DCC: variants seen among roughly 807,000 people sequenced by gnomAD.
DCC encodes the protein DCC netrin 1 receptor.
In DCC, 58 loss-of-function variants were observed where a neutral mutation model predicts 172.5. That is an observed-to-expected ratio of 0.34 (90% CI 0.27 to 0.42). DCC has a LOEUF of 0.42. Among genes scored for constraint, DCC ranks in the 10% least tolerant of loss-of-function variants. The probability of loss-of-function intolerance (pLI) is 1.00; values close to 1 mark genes in which losing one functional copy is unlikely to be tolerated. For synonymous variants in DCC, 709 were observed against 644.5 expected, an observed-to-expected ratio of 1.10 and a Z score of -1.52; for missense variants, 1,740 against 1,791.0, an observed-to-expected ratio of 0.97 and a Z score of 0.51.
chr18:53,206,115 A>G (rs1281192558), intron 10 of DCC, among the ~76,000 whole-genome samples: 1 of 145,380 alleles, frequency 6.9e-6, no homozygotes, highest in Admixed American at 7.1e-5. Flanking sequence ...TATAATACAT[A>G]TATAAGCATA....
Position 52,556,804 on chromosome 18 carries a change from C to T in DCC, c.92-195250C>T, listed in dbSNP as rs1301251776. On this transcript the variant is annotated intron_variant, in intron 1 of 28. Transcript: ENST00000442544. ...GTGTCAATTGGTGCCGCCGTCTCAC[C>T]TTTGAGCAGCTCCCTCTGATCAGCC... 3.9e-5 allele frequency among the ~76,000 whole-genome samples: 6 copies of T among 152,038 alleles called. No individual in the cohort carries two copies. In the East Asian group the frequency reaches 9.6e-4, roughly 24 times the overall value.
At chr18:53,382,206 G>A (rs11872758) in intron 15 of DCC, among the ~76,000 whole-genome samples, 64,092 of 151,294 alleles carry the variant, frequency 0.42, 15,257 homozygotes, top group Non-Finnish European at 0.55. Flanking sequence ...TTCAAATTGC[G>A]AATGGAATTT....
chr18:52,492,786 G>A (rs971781784), intron 1 of DCC, among the ~76,000 whole-genome samples: 7 of 152,074 alleles, frequency 4.6e-5, no homozygotes, highest in South Asian at 4.1e-4. Context: ...GAAGGTACAA[G>A]GTAGAGTATG....
chr18:53,011,088 A>G (rs1012093318), intron 5 of DCC, among the ~76,000 whole-genome samples: 1 of 151,482 alleles, frequency 6.6e-6, no homozygotes, highest in Admixed American at 6.6e-5. Flanking sequence ...GCTACTCTTT[A>G]AAAACATCCC....
In DCC at chr18:52,506,056, G is replaced by A. The variant is rs181572781; in HGVS notation, c.91+165178G>A. Among the ~76,000 whole-genome samples the A allele has an allele frequency of 1.5e-3, 229 of 152,232 alleles. 2 individuals are homozygous for A. The highest frequency in any genetic ancestry group is 6.7e-3 in the Admixed American group (102 of 15,282). ...GTGTGAATTTATTAATGTGATCATAGCATCATCCTTCTATATTACCTATGC... is the reference window on the plus strand; with the variant it reads ...GTGTGAATTTATTAATGTGATCATAACATCATCCTTCTATATTACCTATGC... On this transcript the variant is annotated intron_variant, in intron 1 of 28. Transcript: ENST00000442544.
intron 5 of DCC, among the ~76,000 whole-genome samples, chr18:53,062,200 G>A (rs77781887): frequency 6.6e-6 from 1 of 152,168 alleles, no homozygotes; most frequent in East Asian, 1.9e-4. Context: ...TAAATCCTGA[G>A]AGTTTTTACC....
intron 25 of DCC, among the ~76,000 whole-genome samples, chr18:53,479,798 C>A (rs2045810606): frequency 6.6e-6 from 1 of 152,134 alleles, no homozygotes; most frequent in Non-Finnish European, 1.5e-5. Flanking sequence ...CTTAGATTAC[C>A]TAATTATTTC....
intron 9 of DCC, among the ~76,000 whole-genome samples, chr18:53,179,692 T>C (rs1171237857): frequency 1.3e-5 from 2 of 152,222 alleles, no homozygotes; most frequent in Non-Finnish European, 2.9e-5. Flanking sequence ...AGCTGAATGT[T>C]CTTTGACCAA....
chr18:53,062,367 T>C (rs1044673244), intron 5 of DCC, among the ~76,000 whole-genome samples: 26 of 152,162 alleles, frequency 1.7e-4, no homozygotes, highest in African/African-American at 6.3e-4. Flanking sequence ...ATAACAAAAA[T>C]GACAAAAACA....
intron 1 of DCC, among the ~76,000 whole-genome samples, chr18:52,374,066 G>T (rs1268970675): frequency 4.7e-5 from 7 of 150,288 alleles, no homozygotes; most frequent in Admixed American, 4.0e-4. Context: ...TTTTTTTTTT[G>T]TGTTTTTAGT....
intron 13 of DCC, among the ~76,000 whole-genome samples, chr18:53,318,766 T>G (rs77916462): frequency 0.29 from 44,106 of 149,532 alleles, 8,482 homozygotes; most frequent in Non-Finnish European, 0.44. Context: ...TTTTTTTTTT[T>G]TTTTTGTGAT....
intron 2 of DCC, among the ~76,000 whole-genome samples, chr18:52,829,212 A>G (rs1568130107): frequency 6.6e-6 from 1 of 152,170 alleles, no homozygotes; most frequent in Non-Finnish European, 1.5e-5. Flanking sequence ...TTCTTTTCCT[A>G]CATAAAGCTG....
In DCC at chr18:52,521,829, G is replaced by T. The variant is rs183708042; in HGVS notation, c.91+180951G>T. On this transcript the variant is annotated intron_variant, in intron 1 of 28. Transcript: ENST00000442544. ...ACATAAAACTTCATATTGATTAGTA[G>T]CTGAGTTTCTATCCCTCATCCTACT... is the stretch of plus-strand genomic sequence containing the variant. 9.9e-5 allele frequency among the ~76,000 whole-genome samples: 15 copies of T among 152,246 alleles called. No individual in the cohort carries two copies. In the East Asian group the frequency reaches 2.3e-3, roughly 24 times the overall value.
At chr18:52,353,782 G>A (rs1984237164) in intron 1 of DCC, among the ~76,000 whole-genome samples, 1 of 152,144 alleles carries the variant, frequency 6.6e-6, no homozygotes, top group South Asian at 2.1e-4. Flanking sequence ...CAATCTGAAT[G>A]AAAATCACTA....
intron 2 of DCC, among the ~76,000 whole-genome samples, chr18:52,840,295 T>C (rs1012805849): frequency 2.1e-4 from 32 of 152,342 alleles, no homozygotes; most frequent in African/African-American, 7.2e-4. Context: ...AAACATTTTA[T>C]CTGATGCTTT....
Position 52,829,245 on chromosome 18 carries a change from C to T in DCC, c.413-76799C>T, listed in dbSNP as rs1054579182. Among the ~76,000 whole-genome samples, 4 of 152,300 alleles carry T rather than the reference C, an allele frequency of 2.6e-5. No homozygotes were observed. In the East Asian group the frequency reaches 5.8e-4, roughly 22 times the overall value. ...CTGCATGCATTAGTGAAGGCTGATG[C>T]TCAGTTTCTTGTCTGAGATTTCTCA... On this transcript the variant is annotated intron_variant, in intron 2 of 28. Coordinates refer to ENST00000442544, the MANE Select transcript of DCC (RefSeq NM_005215.4).
intron 1 of DCC, among the ~76,000 whole-genome samples, chr18:52,567,790 A>G (rs2033194790): frequency 6.6e-6 from 1 of 152,090 alleles, no homozygotes; most frequent in African/African-American, 2.4e-5. Flanking sequence ...GTACCCCTTA[A>G]ATTTATGCAA....
intron 5 of DCC, among the ~76,000 whole-genome samples, chr18:52,949,368 A>G (rs2040598992): frequency 6.6e-6 from 1 of 152,214 alleles, no homozygotes; most frequent in Non-Finnish European, 1.5e-5. Context: ...TGGAAATGGG[A>G]AAAGGCTCTT....
At chr18:53,443,484 C>T (rs1276556374) in intron 22 of DCC, among the ~76,000 whole-genome samples, 1 of 152,188 alleles carries the variant, frequency 6.6e-6, no homozygotes, top group East Asian at 1.9e-4. Context: ...CTCGTAGTCA[C>T]CCAAGAGCTC....
Sources: allele counts gnomAD v4.1 joint callset (sites outside exome capture counted in the v4.1 genomes callset), GRCh38; gene constraint gnomAD v4.1.1; transcripts MANE v1.5; gene names NCBI Gene and HGNC (gene_info 2026-07-23, HGNC 2026-07-21).